Variants in MYO19 observed in about 807,000 individuals in gnomAD.
The protein encoded by MYO19 is unconventional myosin-XIX.
A neutral mutation model predicts 129.2 loss-of-function variants in MYO19; 132 were observed. The ratio of observed to expected loss-of-function variants is 1.02; its 90% CI spans 0.89 to 1.18. The LOEUF (loss-of-function observed/expected upper bound fraction) is 1.18, where lower values mean the gene tolerates loss of function less well. Among genes scored for constraint, MYO19 ranks in the 50% most tolerant of loss-of-function variants. The pLI, the probability that MYO19 is intolerant of heterozygous loss-of-function variation, is 0.00. For missense variants in MYO19, 1,210 were observed against 1,216.7 expected (o/e 0.99, Z 0.08); for synonymous variants, 531 against 477.2 (o/e 1.11, Z -1.47).
At chr17:36,530,802 G>A (rs944083271) in intron 3 of MYO19, among the ~76,000 whole-genome samples, 1 of 152,080 alleles carries the variant, frequency 6.6e-6, no homozygotes, top group Non-Finnish European at 1.5e-5. Context: ...TGTATTTTTA[G>A]TAGAAATGGG....
chr17:36,500,875 G>T lies in MYO19; in HGVS notation c.2332C>A (p.Arg778=), dbSNP rs371727673. ...IQGGWRRHRH[R]EQERQWRAVM... ...GCCCGCCACTGCCGCTCCTGCTCTC[G>T]GTGCCGGTGTCGCCTCCAGCCACCC... The change falls in exon 23 of 26, where the codon CGA becomes AGA. Residue 778 remains arginine (R), a synonymous_variant. Transcript: ENST00000614623. 11 of 1,605,510 alleles carry T rather than the reference G, an allele frequency of 6.9e-6. No individual in the cohort carries two copies. In the African/African-American group the frequency reaches 1.3e-4, roughly 19 times the overall value.
At chr17:36,512,168 T>C (rs1334998921) in intron 11 of MYO19, among the ~76,000 whole-genome samples, 1 of 149,688 alleles carries the variant, frequency 6.7e-6, no homozygotes, top group Admixed American at 6.7e-5. Context: ...CTGACCAATA[T>C]GGTGAACCTC....
chr17:36,535,447 CCCGGAAGTGCCAGCTGCCTGCGTCGG>C (rs1325567525), upstream of MYO19: 2 of 152,280 alleles, frequency 1.3e-5, no homozygotes, highest in African/African-American at 4.8e-5. Flanking sequence ...AATCGGCCGG[CCCGGAAGTGCCAGCTGCCTGCGTCGG>C]CCGGAAGTGC....
rs532960922 is a variant in MYO19, at chr17:36,510,812, C to A, written c.1091G>T (p.Arg364Leu). 2 of 1,597,342 alleles carry A rather than the reference C, an allele frequency of 1.3e-6. No individual in the cohort carries two copies. Among genetic ancestry groups the A allele is most frequent in the Middle Eastern group, 1.7e-4 (1 of 6,048 alleles). The stretch of plus-strand genomic sequence containing the variant: ...ACACTCGGCTCGGGCGCAGGGCTTC[C>A]GGAACACCTGCTGCTGTCTGCCTGC... ...IRAGRQQQVF[R>L]KPCARAECDT... is the part of the protein sequence containing the mutation. Residue 364 changes from arginine (R) to leucine (L), a missense_variant, in exon 13 of 26, where the codon CGG (arginine) becomes CTG (leucine). Physicochemically the swap from Arg to Leu is moderately radical, Grantham distance 102. Coordinates refer to ENST00000614623, the MANE Select transcript of MYO19 (RefSeq NM_001163735.2).
chr17:36,523,049 T>G (rs1452119820), intron 6 of MYO19, among the ~76,000 whole-genome samples: 2 of 144,714 alleles, frequency 1.4e-5, no homozygotes, highest in Admixed American at 1.4e-4. Context: ...TTGCTGAGTG[T>G]GGTGGTATGC....
At chr17:36,533,015 T>G in intron 2 of MYO19, 1 of 161,628 alleles carries the variant, frequency 6.2e-6, no homozygotes, top group Non-Finnish European at 1.3e-5. Flanking sequence ...AGAAATATCC[T>G]ATTTCAGTCG....
chr17:36,508,060 A>C, intron 14 of MYO19, 136 bp from the exon 15 acceptor site: 1 of 944,938 alleles, frequency 1.1e-6, no homozygotes, highest in South Asian at 2.1e-5. Context: ...AGTGAGCATG[A>C]CACCTGTGGT....
At chr17:36,507,995 A>G in intron 14 of MYO19, 71 bp from the exon 15 acceptor site, 1 of 1,485,778 alleles carries the variant, frequency 6.7e-7, no homozygotes, top group Non-Finnish European at 9.0e-7. Context: ...CAAGGAACCC[A>G]GGGTGGCTGG....
intron 19 of MYO19, 112 bp downstream of exon 19, chr17:36,505,185 G>A (rs1599250339): frequency 3.1e-6 from 3 of 974,476 alleles, no homozygotes; most frequent in East Asian, 4.8e-5. Flanking sequence ...GGCCTGGCCG[G>A]AGAGACCACT....
chr17:36,503,039 G>C, intron 21 of MYO19, 58 bp downstream of exon 21: 1 of 1,423,380 alleles, frequency 7.0e-7, no homozygotes. Flanking sequence ...ACAGGGCACA[G>C]GGTAGATGCT....
intron 23 of MYO19, 124 bp from the exon 24 acceptor site, chr17:36,499,284 A>G: frequency 1.6e-6 from 1 of 620,850 alleles, no homozygotes; most frequent in Non-Finnish European, 2.8e-6. Flanking sequence ...TTTTTCAATA[A>G]ATTGCTACAA....
chr17:36,532,461 G>C, intron 3 of MYO19, 66 bp downstream of exon 3: 1 of 1,543,386 alleles, frequency 6.5e-7, no homozygotes, highest in South Asian at 1.2e-5. Context: ...CTTCCTTCCA[G>C]GTTAGGGCTA....
In MYO19 at chr17:36,498,541, CA is replaced by C; in HGVS notation, c.2481del (p.Ala828LeufsTer20). On this transcript the variant is annotated frameshift_variant, in exon 25 of 26. Coordinates refer to ENST00000614623, the MANE Select transcript of MYO19 (RefSeq NM_001163735.2). LOFTEE classifies it high-confidence loss of function. ...WQKWRIRMAC[L>X]AAKELDGVEE... ...TCCACACCATCCAGCTCTTTAGCAG[CA>C]AGGCAGGCCATTCTGATCTTAAAAA... 2 of 1,611,210 alleles carry C rather than the reference CA, an allele frequency of 1.2e-6. No individual in the cohort carries two copies. The highest frequency in any genetic ancestry group is 1.7e-6 in the Non-Finnish European group (2 of 1,177,538).
At chr17:36,536,557 A>C (rs1599473355), upstream of MYO19, among the ~76,000 whole-genome samples, 3 of 116,146 alleles carry the variant, frequency 2.6e-5, no homozygotes, top group Admixed American at 2.5e-4. Flanking sequence ...ATGGAGTCTC[A>C]CTCTGTGGCC....
chr17:36,502,348 G>C (rs948367254), intron 21 of MYO19, among the ~76,000 whole-genome samples: 1 of 152,110 alleles, frequency 6.6e-6, no homozygotes, highest in Non-Finnish European at 1.5e-5. Context: ...ACCCATGCCC[G>C]GGCTCTTCAG....
upstream of MYO19, chr17:36,537,621 T>C: frequency 6.2e-7 from 1 of 1,614,168 alleles, no homozygotes. Flanking sequence ...AGTAGGTGGC[T>C]TTGTTTTTGG....
intron 17 of MYO19, 43 bp downstream of exon 17, chr17:36,506,920 T>A (rs368620742): frequency 6.7e-7 from 1 of 1,502,946 alleles, no homozygotes; most frequent in Non-Finnish European, 8.9e-7. Flanking sequence ...AGACCCAGCA[T>A]CTCGTTTCTC....
At chr17:36,528,004 A>G (rs760477014) in intron 4 of MYO19, 60 bp downstream of exon 4, 4 of 1,577,706 alleles carry the variant, frequency 2.5e-6, no homozygotes, top group Non-Finnish European at 3.5e-6. Context: ...TGTGCTGACT[A>G]CTCTCATTAC....
At chr17:36,511,777 G>A (rs1472503941) in intron 11 of MYO19, among the ~76,000 whole-genome samples, 1 of 152,162 alleles carries the variant, frequency 6.6e-6, no homozygotes, top group Non-Finnish European at 1.5e-5. Context: ...GGGCCTCCAT[G>A]CCCACCCATC....
Sources: allele counts gnomAD v4.1 joint callset (sites outside exome capture counted in the v4.1 genomes callset), GRCh38; gene constraint gnomAD v4.1.1; transcripts MANE v1.5; gene names NCBI Gene and HGNC (gene_info 2026-07-23, HGNC 2026-07-21).